FOXN4: variants seen among roughly 807,000 people sequenced by gnomAD.
The protein encoded by FOXN4 is forkhead box N4, also known as forkhead box protein N4.
A neutral mutation model predicts 45.0 loss-of-function variants in FOXN4; 12 were observed. That is an observed-to-expected ratio of 0.27 (90% confidence interval 0.17 to 0.43). The LOEUF (loss-of-function observed/expected upper bound fraction) is 0.43. Among genes scored for constraint, FOXN4 ranks in the 20% least tolerant of loss-of-function variants. FOXN4 has a pLI of 1.00. For synonymous variants in FOXN4, 297 were observed against 295.0 expected (o/e 1.01, Z -0.07); for missense variants, 560 against 694.9 (o/e 0.81, Z 2.18).
At chr12:109,306,499 G>C (rs1023506930) in intron 2 of FOXN4, among the ~76,000 whole-genome samples, 1 of 152,174 alleles carries the variant, frequency 6.6e-6, no homozygotes. Context: ...GGATGCGCTC[G>C]CCCAGGCTTG....
At chr12:109,293,393 A>G (rs2047787549) in intron 2 of FOXN4, among the ~76,000 whole-genome samples, 1 of 152,090 alleles carries the variant, frequency 6.6e-6, no homozygotes, top group South Asian at 2.1e-4. Flanking sequence ...CGCCAGGACC[A>G]GCCAGTCCTG....
Position 109,290,436 on chromosome 12 carries a change from C to T in FOXN4, c.87-150G>A, listed in dbSNP as rs979958323. The T allele has an allele frequency of 2.2e-5, 21 of 943,242 alleles. No individual in the cohort carries two copies. Among genetic ancestry groups the T allele is most frequent in the East Asian group, 5.6e-5 (2 of 35,730 alleles). The allele number at this position is 943,242 out of a possible 1,614,324, so 58.4% of individuals were successfully genotyped here. On this transcript the variant is annotated intron_variant, in intron 2 of 9. Coordinates refer to ENST00000299162, the MANE Select transcript of FOXN4 (RefSeq NM_213596.3). This position sits in a 1 kb window ranked among gnomAD's most constrained non-coding sequence, Gnocchi z 5.1. Reference sequence around the variant, plus strand: ...ACCTGCCCGTCCCCAGGACTGGACACGGGAACCTGGTCCCAGATCCCTTTC... The same window carrying T: ...ACCTGCCCGTCCCCAGGACTGGACATGGGAACCTGGTCCCAGATCCCTTTC...
rs2047636234 is a variant in FOXN4 at position 109,279,896 on chromosome 12, G to A, written c.1329C>T (p.Phe443=). The change falls in exon 10 of 10, where the codon TTC becomes TTT. Residue 443 remains phenylalanine (F), a synonymous_variant. Transcript: ENST00000299162. ...CAAAGGCGCCCAGTGTGTCCAAGCT[G>A]AATCCCTCATCCTTCATCTCCTCCC... ...NLWEEMKDEG[F]SLDTLGAFAD... The A allele has an allele frequency of 6.2e-7, 1 of 1,613,956 alleles. No individual in the cohort carries two copies. The highest frequency in any genetic ancestry group is 8.5e-7 in the Non-Finnish European group (1 of 1,179,870).
chr12:109,307,414 G>C (rs2047931335), intron 2 of FOXN4, among the ~76,000 whole-genome samples: 1 of 152,304 alleles, frequency 6.6e-6, no homozygotes. Flanking sequence ...TGGCCTCAAG[G>C]GGAAAGAGGC....
At position 109,281,718 on chromosome 12, in the gene FOXN4, A is replaced by G. The variant is rs762356924; in HGVS notation, c.983T>C (p.Leu328Pro). The change falls in exon 9 of 10, where the codon CTG (leucine) becomes CCG (proline). Residue 328 changes from leucine to proline, a missense_variant. Coordinates refer to ENST00000299162, the MANE Select transcript of FOXN4 (RefSeq NM_213596.3). ...GKPGEPEAPV[L>P]THATTVAVAH... Reference sequence around the variant, plus strand: ...CACGGCCACTGTGGTGGCGTGAGTCAGCACGGGGGCCTCTGGTTCCCCCGG... The same window carrying G: ...CACGGCCACTGTGGTGGCGTGAGTCGGCACGGGGGCCTCTGGTTCCCCCGG... 21 of 1,610,508 alleles carry G rather than the reference A, an allele frequency of 1.3e-5. No homozygotes were observed. The highest frequency in any genetic ancestry group is 1.0e-4 in the Admixed American group (6 of 59,808).
In FOXN4 at chr12:109,291,916, G is replaced by C. The variant is rs2047772297; in HGVS notation, c.87-1630C>G. On this transcript the variant is annotated intron_variant, in intron 2 of 9. Coordinates refer to ENST00000299162, the MANE Select transcript of FOXN4 (RefSeq NM_213596.3). The surrounding 1 kb of genome is among the most constrained non-coding windows in gnomAD (Gnocchi z 6.6). ...GGGTCTCAGTGCAATTGTTTCTGCA[G>C]CCCCCCGGCTGCCACCCCTCCGGCC... 6.6e-6 allele frequency among the ~76,000 whole-genome samples: 1 copy of C among 151,968 alleles called. No homozygotes were observed. The highest frequency in any genetic ancestry group is 2.1e-4 in the South Asian group (1 of 4,814).
intron 2 of FOXN4, among the ~76,000 whole-genome samples, chr12:109,292,808 G>A (rs1047864103): frequency 6.6e-6 from 1 of 152,166 alleles, no homozygotes; most frequent in Non-Finnish European, 1.5e-5. Context: ...TACAGATGAA[G>A]AAACTCAGGA....
chr12:109,281,705 G>A lies in FOXN4; in HGVS notation c.996C>T (p.Thr332=), dbSNP rs1362064481. The A allele has an allele frequency of 6.2e-7, 1 of 1,611,292 alleles. No individual in the cohort carries two copies. Among genetic ancestry groups the A allele is most frequent in the Admixed American group, 1.7e-5 (1 of 59,792 alleles). Reference sequence around the variant, plus strand: ...GGCAGCCATGCGCCACGGCCACTGTGGTGGCGTGAGTCAGCACGGGGGCCT... The same window carrying A: ...GGCAGCCATGCGCCACGGCCACTGTAGTGGCGTGAGTCAGCACGGGGGCCT... ...EPEAPVLTHA[T]TVAVAHGCLA... Residue 332 remains threonine (T), a synonymous_variant, in exon 9 of 10, where the codon ACC becomes ACT. Transcript: ENST00000299162.
In FOXN4 at chr12:109,290,046, C is replaced by G. The variant is rs1044129373; in HGVS notation, c.232+95G>C. ...AGAGAGGCCCAGAGAGACTGGGAGA[C>G]CGGGTCATGGCTGCACAGTGGGTGG... On this transcript the variant is annotated intron_variant, in intron 3 of 9. Transcript: ENST00000299162. This position sits in a 1 kb window ranked among gnomAD's most constrained non-coding sequence, Gnocchi z 5.1. 32 of 1,377,438 alleles carry G rather than the reference C, an allele frequency of 2.3e-5. No individual in the cohort carries two copies. The highest frequency in any genetic ancestry group is 5.7e-6 in the Non-Finnish European group (6 of 1,044,244). The allele number at this position is 1,377,438 out of a possible 1,614,324, so 85.3% of individuals were successfully genotyped here.
intron 7 of FOXN4, among the ~76,000 whole-genome samples, chr12:109,286,225 C>T (rs975116621): frequency 6.6e-6 from 1 of 152,196 alleles, no homozygotes; most frequent in African/African-American, 2.4e-5. Context: ...AGTGGCCAAC[C>T]CTATGCTGGA....
At chr12:109,299,551 C>T (rs1014170688) in intron 2 of FOXN4, among the ~76,000 whole-genome samples, 1 of 152,164 alleles carries the variant, frequency 6.6e-6, no homozygotes, top group Non-Finnish European at 1.5e-5. Flanking sequence ...TGCTTCAGCA[C>T]CTCCCTCCTT....
chr12:109,297,510 G>T (rs916337394), intron 2 of FOXN4, among the ~76,000 whole-genome samples: 1 of 152,084 alleles, frequency 6.6e-6, no homozygotes, highest in Non-Finnish European at 1.5e-5. Flanking sequence ...CTCAGTCTTT[G>T]CATTTTTAGT....
At position 109,279,997 on chromosome 12, in the gene FOXN4, T is replaced by C. The variant is rs535510721; in HGVS notation, c.1295-67A>G. ...AAATGACCTGAGTTCGAATCCCCCA[T>C]CTTAGGGAAGAGGCAGAGACCATGT... is the stretch of plus-strand genomic sequence containing the variant. On this transcript the variant is annotated intron_variant, in intron 9 of 9. Coordinates refer to ENST00000299162, the MANE Select transcript of FOXN4 (RefSeq NM_213596.3). 81 of 1,595,394 alleles carry C rather than the reference T, an allele frequency of 5.1e-5. No individual in the cohort carries two copies. The African/African-American group carries it at 1.0e-3, about 20-fold the overall frequency.
In FOXN4 at chr12:109,287,750, G is replaced by T; in HGVS notation, c.468+94C>A. 1 of 1,229,082 alleles carries T rather than the reference G, an allele frequency of 8.1e-7. No individual in the cohort carries two copies. Among genetic ancestry groups the T allele is most frequent in the Non-Finnish European group, 1.1e-6 (1 of 901,872 alleles). The allele number at this position is 1,229,082 out of a possible 1,614,324, so 76.1% of individuals were successfully genotyped here. A position where few individuals can be genotyped will look rare whatever the true frequency, so the allele number is the denominator to read the frequency against. On this transcript the variant is annotated intron_variant, in intron 5 of 9. Coordinates refer to ENST00000299162, the MANE Select transcript of FOXN4 (RefSeq NM_213596.3). This position sits in a 1 kb window ranked among gnomAD's most constrained non-coding sequence, Gnocchi z 4.1. Reference sequence around the variant, plus strand: ...CATGGAGGGAATGTTATCCCCATGTGCTGGGTGAGTAAACTGAGGCTCAGA... The same window carrying T: ...CATGGAGGGAATGTTATCCCCATGTTCTGGGTGAGTAAACTGAGGCTCAGA...
Position 109,279,643 on chromosome 12 carries a change from G to A in FOXN4, c.*28C>T. Reference sequence around the variant, plus strand: ...AGTTCTCTGCCCAAGCCGGGTGCCGGGGTTCCAGGGCAGGTGAGGCTGACA... The same window carrying A: ...AGTTCTCTGCCCAAGCCGGGTGCCGAGGTTCCAGGGCAGGTGAGGCTGACA... On this transcript the variant is annotated 3_prime_UTR_variant, in exon 10 of 10. Transcript: ENST00000299162. The A allele has an allele frequency of 6.4e-7, 1 of 1,562,796 alleles. No individual in the cohort carries two copies. The highest frequency in any genetic ancestry group is 1.2e-5 in the South Asian group (1 of 84,586).
rs925397399 is a variant in FOXN4 at position 109,290,446 on chromosome 12, G to A, written c.87-160C>T. On this transcript the variant is annotated intron_variant, in intron 2 of 9. Coordinates refer to ENST00000299162, the MANE Select transcript of FOXN4 (RefSeq NM_213596.3). The surrounding 1 kb of genome is among the most constrained non-coding windows in gnomAD (Gnocchi z 5.1). Reference sequence around the variant, plus strand: ...CCCCAGGACTGGACACGGGAACCTGGTCCCAGATCCCTTTCGGCAGCCAGA... The same window carrying A: ...CCCCAGGACTGGACACGGGAACCTGATCCCAGATCCCTTTCGGCAGCCAGA... 6.6e-6 allele frequency among the ~76,000 whole-genome samples: 1 copy of A among 152,148 alleles called. No homozygotes were observed. Among genetic ancestry groups the A allele is most frequent in the Non-Finnish European group, 1.5e-5 (1 of 68,022 alleles).
Position 109,309,182 on chromosome 12 carries a change from G to A in FOXN4, c.-67C>T, listed in dbSNP as rs1038632279. ...CCGGGGGTGGGCAGGGGTTCCGGAG[G>A]GGGGCTCCCTCGCGCTCGCCCCTCG... On this transcript the variant is annotated 5_prime_UTR_variant, in exon 1 of 10. Coordinates refer to ENST00000299162, the MANE Select transcript of FOXN4 (RefSeq NM_213596.3). This position sits in a 1 kb window ranked among gnomAD's most constrained non-coding sequence, Gnocchi z 5.0. The A allele has an allele frequency of 6.6e-6, 1 of 152,364 alleles. No individual in the cohort carries two copies. The highest frequency in any genetic ancestry group is 1.9e-4 in the East Asian group (1 of 5,184). The allele number at this position is 152,364 out of a possible 1,614,324, so 9.4% of individuals were successfully genotyped here. A position where few individuals can be genotyped will look rare whatever the true frequency, so the allele number is the denominator to read the frequency against.
At chr12:109,302,910 TA>T (rs2047881243) in intron 2 of FOXN4, among the ~76,000 whole-genome samples, 1 of 152,244 alleles carries the variant, frequency 6.6e-6, no homozygotes, top group African/African-American at 2.4e-5. Context: ...AAAAAGGGAT[TA>T]AGCATTTCAT....
intron 2 of FOXN4, among the ~76,000 whole-genome samples, chr12:109,306,816 A>G (rs2047925453): frequency 6.6e-6 from 1 of 152,222 alleles, no homozygotes; most frequent in Admixed American, 6.5e-5. Flanking sequence ...TGGGATTATA[A>G]TGGACTTGAG....
Sources: gnomAD v4.1 joint callset for allele counts (sites outside exome capture counted in the v4.1 genomes callset) on GRCh38, gnomAD v4.1.1 for gene constraint, Gnocchi (gnomAD v3.1) non-coding constraint, MANE v1.5 for transcripts, NCBI Gene and HGNC (gene_info 2026-07-23, HGNC 2026-07-21) for gene names.